Variants in PTPRT observed in about 807,000 individuals in gnomAD.
PTPRT encodes receptor-type tyrosine-protein phosphatase T.
A neutral mutation model predicts 176.8 loss-of-function variants in PTPRT; 56 were observed. The ratio of observed to expected loss-of-function variants is 0.32; its 90% CI spans 0.26 to 0.40. PTPRT has a LOEUF of 0.40. Among genes scored for constraint, PTPRT ranks in the 10% least tolerant of loss-of-function variants. The pLI is 1.00. For synonymous variants in PTPRT, 783 were observed against 739.0 expected (o/e 1.06, Z -0.96); for missense variants, 1,540 against 1,908.2 (o/e 0.81, Z 3.60).
At chr20:42,755,112 G>T (rs556626805) in intron 6 of PTPRT, among the ~76,000 whole-genome samples, 1 of 152,294 alleles carries the variant, frequency 6.6e-6, no homozygotes, top group African/African-American at 2.4e-5. Context: ...AGGAAGGGAG[G>T]TGTGGGCGGG....
At chr20:42,903,856 C>T (rs2079440104) in intron 1 of PTPRT, among the ~76,000 whole-genome samples, 2 of 152,160 alleles carry the variant, frequency 1.3e-5, no homozygotes, top group African/African-American at 4.8e-5. Flanking sequence ...GCTGAACTAG[C>T]ACGTCACCCA....
At chr20:42,423,056 TGG>T (rs1161125939) in intron 9 of PTPRT, among the ~76,000 whole-genome samples, 4 of 150,582 alleles carry the variant, frequency 2.7e-5, no homozygotes, top group African/African-American at 9.8e-5. Flanking sequence ...GGGTGGAAGG[TGG>T]GAGGAGGGAG....
Position 43,003,220 on chromosome 20 carries a change from C to T in PTPRT, c.89-117288G>A, listed in dbSNP as rs148867488. Reference sequence around the variant, plus strand: ...ATTTATTTTTTGAGACAGGGTCTCACTCTGTCACCTAGGCTAGAGTGCAGT... The same window carrying T: ...ATTTATTTTTTGAGACAGGGTCTCATTCTGTCACCTAGGCTAGAGTGCAGT... On this transcript the variant is annotated intron_variant, in intron 1 of 30. Coordinates refer to ENST00000373187, the MANE Select transcript of PTPRT (RefSeq NM_007050.6). 6.2e-3 allele frequency among the ~76,000 whole-genome samples: 946 copies of T among 152,290 alleles called. 15 individuals carry two copies. Among genetic ancestry groups the T allele is most frequent in the African/African-American group, 0.022 (897 of 41,552 alleles).
At chr20:42,566,755 C>A (rs2073046584) in intron 7 of PTPRT, among the ~76,000 whole-genome samples, 1 of 152,144 alleles carries the variant, frequency 6.6e-6, no homozygotes, top group Non-Finnish European at 1.5e-5. Context: ...AATGAGGTAT[C>A]TTTGATTGCA....
chr20:43,155,294 T>C (rs2014484972), intron 1 of PTPRT, among the ~76,000 whole-genome samples: 1 of 152,182 alleles, frequency 6.6e-6, no homozygotes, highest in African/African-American at 2.4e-5. Flanking sequence ...CATCAGTGGA[T>C]GAATGGATAA....
intron 1 of PTPRT, among the ~76,000 whole-genome samples, chr20:43,013,320 T>C (rs1985220299): frequency 6.6e-6 from 1 of 152,132 alleles, no homozygotes; most frequent in South Asian, 2.1e-4. Context: ...ATCGAGAGCT[T>C]CAAAATGATT....
At position 42,847,870 on chromosome 20, in the gene PTPRT, G is replaced by A. The variant is rs1207578880; in HGVS notation, c.214+37937C>T. Among the ~76,000 whole-genome samples, 4 of 152,274 alleles carry A rather than the reference G, an allele frequency of 2.6e-5. No individual in the cohort carries two copies. The East Asian group carries it at 7.7e-4, about 29-fold the overall frequency. On this transcript the variant is annotated intron_variant, in intron 2 of 30. Transcript: ENST00000373187. ...TTTTCCATAGGTTTTTGGAAAACAG[G>A]TGGTATTTGGGTACATGACTAAGTT...
chr20:43,063,073 T>A (rs768149924), intron 1 of PTPRT, among the ~76,000 whole-genome samples: 2 of 152,146 alleles, frequency 1.3e-5, no homozygotes. Flanking sequence ...TTATAAATAA[T>A]TTATCCAAAG....
chr20:42,544,938 C>T (rs1355977502), intron 7 of PTPRT, among the ~76,000 whole-genome samples: 1 of 152,286 alleles, frequency 6.6e-6, no homozygotes, highest in East Asian at 1.9e-4. Flanking sequence ...CTGGTGTGAG[C>T]CACTGTGTCT....
chr20:42,462,437 T>A (rs1231417173), intron 8 of PTPRT, among the ~76,000 whole-genome samples: 1 of 152,010 alleles, frequency 6.6e-6, no homozygotes, highest in Non-Finnish European at 1.5e-5. Context: ...TGTGAATAGC[T>A]GGAAATGAGA....
At chr20:42,776,306 C>T (rs1476526806) in intron 4 of PTPRT, among the ~76,000 whole-genome samples, 3 of 152,164 alleles carry the variant, frequency 2.0e-5, no homozygotes, top group African/African-American at 4.8e-5. Flanking sequence ...TGACCCCAAC[C>T]CCCAGTATCT....
chr20:42,541,313 G>A (rs2072575073), intron 7 of PTPRT, among the ~76,000 whole-genome samples: 1 of 151,816 alleles, frequency 6.6e-6, no homozygotes, highest in African/African-American at 2.4e-5. Context: ...GTTGGGGGTA[G>A]ATTAGCTATC....
intron 16 of PTPRT, among the ~76,000 whole-genome samples, chr20:42,164,132 G>A (rs1287160890): frequency 1.3e-5 from 2 of 152,214 alleles, no homozygotes; most frequent in South Asian, 2.1e-4. Context: ...AGGCCTGTGA[G>A]TATTTCCCAC....
At chr20:43,058,817 T>TC (rs1987343385) in intron 1 of PTPRT, among the ~76,000 whole-genome samples, 1 of 116,738 alleles carries the variant, frequency 8.6e-6, no homozygotes, top group Non-Finnish European at 1.9e-5. Context: ...GAAAACCTTA[T>TC]TTTTTTTTCA....
chr20:43,090,323 A>G (rs965133579), intron 1 of PTPRT, among the ~76,000 whole-genome samples: 1 of 150,204 alleles, frequency 6.7e-6, no homozygotes, highest in Non-Finnish European at 1.5e-5. Flanking sequence ...GCTGGAGTGC[A>G]GTGGCGCCAT....
intron 7 of PTPRT, among the ~76,000 whole-genome samples, chr20:42,626,328 C>G (rs1305400310): frequency 6.6e-6 from 1 of 152,158 alleles, no homozygotes; most frequent in African/African-American, 2.4e-5. Flanking sequence ...TCTCTGCTCT[C>G]TGTTCCCTTT....
rs546540103 is a variant in PTPRT, at chr20:42,502,243, T to C, written c.1154-29681A>G. The stretch of plus-strand genomic sequence containing the variant: ...AAAAAGAGCACTTACAAAGTATATG[T>C]AGTGAAAAATAAAATTCACTTCTGT... On this transcript the variant is annotated intron_variant, in intron 7 of 30. Transcript: ENST00000373187. 2.5e-3 allele frequency among the ~76,000 whole-genome samples: 387 copies of C among 152,126 alleles called. 3 individuals are homozygous for C. The highest frequency in any genetic ancestry group is 9.1e-3 in the African/African-American group (377 of 41,532).
At position 42,602,833 on chromosome 20, in the gene PTPRT, T is replaced by C. The variant is rs117366747; in HGVS notation, c.1153+75033A>G. On this transcript the variant is annotated intron_variant, in intron 7 of 30. Transcript: ENST00000373187. Reference sequence around the variant, plus strand: ...TGGCTGTGCCAAATTACTTATATGATTGTGGGCAAATTGAATAACCTCTTT... The same window carrying C: ...TGGCTGTGCCAAATTACTTATATGACTGTGGGCAAATTGAATAACCTCTTT... Among the ~76,000 whole-genome samples, 1,286 of 152,184 alleles carry C rather than the reference T, an allele frequency of 8.5e-3. 12 individuals are homozygous for C. Among genetic ancestry groups the C allele is most frequent in the Non-Finnish European group, 0.012 (812 of 68,002 alleles).
intron 8 of PTPRT, among the ~76,000 whole-genome samples, chr20:42,468,813 A>T (rs1299194257): frequency 6.6e-6 from 1 of 152,170 alleles, no homozygotes. Context: ...CTGAATTTTC[A>T]TGCTGATTTT....
Sources: allele counts gnomAD v4.1 joint callset (sites outside exome capture counted in the v4.1 genomes callset), GRCh38; gene constraint gnomAD v4.1.1; transcripts MANE v1.5; gene names NCBI Gene and HGNC (gene_info 2026-07-23, HGNC 2026-07-21).